Variants in ATXN1 observed in about 807,000 individuals in gnomAD.
The protein encoded by ATXN1 is ataxin 1.
In ATXN1, 8 loss-of-function variants were observed where a neutral mutation model predicts 56.4. The ratio of observed to expected loss-of-function variants is 0.14; its 90% CI spans 0.08 to 0.26. The LOEUF (loss-of-function observed/expected upper bound fraction) is 0.26. ATXN1 is among the 10% of genes least tolerant of loss of function. ATXN1 has a pLI of 1.00. For missense variants in ATXN1, 987 were observed against 1,106.5 expected (o/e 0.89, Z 1.53); for synonymous variants, 514 against 494.6 (o/e 1.04, Z -0.52).
intron 6 of ATXN1, among the ~76,000 whole-genome samples, chr6:16,444,059 T>C (rs914037069): frequency 1.1e-4 from 17 of 149,370 alleles, no homozygotes; most frequent in Admixed American, 1.0e-3. Context: ...GAGCTTGCAG[T>C]GAGCCGAGAT....
chr6:16,720,125 A>G (rs987967795), intron 2 of ATXN1, among the ~76,000 whole-genome samples: 85 of 152,222 alleles, frequency 5.6e-4, no homozygotes, highest in African/African-American at 2.0e-3. Flanking sequence ...CTTCCTTTAC[A>G]GTGCTCATCC....
In ATXN1 at chr6:16,424,298, C is replaced by T. The variant is rs562728546; in HGVS notation, c.-161+61674G>A. On this transcript the variant is annotated intron_variant, in intron 6 of 7. Transcript: ENST00000436367. ...AGGACACAAGCCGGGTGTGTGCATG[C>T]GCATGAATGGAGCCTGCGTGCACAA... Among the ~76,000 whole-genome samples, 5 of 152,256 alleles carry T rather than the reference C, an allele frequency of 3.3e-5. No homozygotes were observed. The East Asian group carries it at 7.7e-4, about 24-fold the overall frequency.
chr6:16,341,732 G>T (rs1026810867), intron 6 of ATXN1, among the ~76,000 whole-genome samples: 17 of 151,786 alleles, frequency 1.1e-4, no homozygotes, highest in Admixed American at 1.1e-3. Context: ...TGTTAGCCAG[G>T]ATGGTCTTGA....
chr6:16,526,901 GT>G (rs1761406016), intron 4 of ATXN1, among the ~76,000 whole-genome samples: 1 of 151,712 alleles, frequency 6.6e-6, no homozygotes. Context: ...TCAAGCAAAT[GT>G]CCTTGTTTCA....
At chr6:16,451,755 CAA>C (rs369181235) in intron 6 of ATXN1, among the ~76,000 whole-genome samples, 3 of 126,152 alleles carry the variant, frequency 2.4e-5, no homozygotes, top group African/African-American at 2.9e-5. Context: ...AACTCCGTCT[CAA>C]AAAAAAAAAA....
chr6:16,728,267 G>A (rs139570990), intron 2 of ATXN1, among the ~76,000 whole-genome samples: 2 of 152,308 alleles, frequency 1.3e-5, no homozygotes, highest in Non-Finnish European at 2.9e-5. Context: ...TAAGCTGTGC[G>A]CACAGGGCAG....
intron 2 of ATXN1, among the ~76,000 whole-genome samples, chr6:16,685,502 C>A (rs1370696701): frequency 6.6e-6 from 1 of 152,150 alleles, no homozygotes; most frequent in Admixed American, 6.5e-5. Context: ...CCACACCACA[C>A]GCACACAAAA....
chr6:16,522,802 T>C (rs1449301618), intron 4 of ATXN1, 114 bp from the exon 5 acceptor site: 1 of 152,220 alleles, frequency 6.6e-6, no homozygotes, highest in African/African-American at 2.4e-5. Flanking sequence ...CTTTGGCCTT[T>C]ATTAGGTGCA....
intron 4 of ATXN1, among the ~76,000 whole-genome samples, chr6:16,526,664 CT>C (rs1761400424): frequency 6.6e-6 from 1 of 151,142 alleles, no homozygotes; most frequent in African/African-American, 2.4e-5. Flanking sequence ...ACTCGGGAGG[CT>C]GAGGCAGGAG....
At chr6:16,621,251 G>A (rs1448028720) in intron 3 of ATXN1, among the ~76,000 whole-genome samples, 4 of 152,206 alleles carry the variant, frequency 2.6e-5, no homozygotes, top group African/African-American at 9.7e-5. Flanking sequence ...CTTGTCGGCT[G>A]CTCTCACAGA....
At chr6:16,591,727 C>A (rs997376850) in intron 3 of ATXN1, among the ~76,000 whole-genome samples, 7 of 152,260 alleles carry the variant, frequency 4.6e-5, no homozygotes, top group African/African-American at 1.4e-4. Flanking sequence ...TAACAAACTG[C>A]ACAATTCTTT....
chr6:16,311,834 T>C (rs1325294917), intron 7 of ATXN1, among the ~76,000 whole-genome samples: 3 of 152,190 alleles, frequency 2.0e-5, no homozygotes, highest in Non-Finnish European at 4.4e-5. Context: ...AACTCTCAGG[T>C]GTTAACATCT....
intron 6 of ATXN1, among the ~76,000 whole-genome samples, chr6:16,386,356 T>C (rs1218716881): frequency 6.6e-6 from 1 of 152,038 alleles, no homozygotes; most frequent in Non-Finnish European, 1.5e-5. Context: ...GCGTTAACCA[T>C]AAAAAAATGG....
chr6:16,728,206 G>A (rs1759890871), intron 2 of ATXN1, among the ~76,000 whole-genome samples: 1 of 152,176 alleles, frequency 6.6e-6, no homozygotes, highest in African/African-American at 2.4e-5. Context: ...AGTCTGACTG[G>A]GACGCAAGAC....
rs115458098 is a variant in ATXN1, at chr6:16,394,509, C to T, written c.-160-66039G>A. ...TATATATTGTGTAATGATCAATTCACGGTAATTAGCATATTTTTCACTTCA... is the reference window on the plus strand; with the variant it reads ...TATATATTGTGTAATGATCAATTCATGGTAATTAGCATATTTTTCACTTCA... On this transcript the variant is annotated intron_variant, in intron 6 of 7. Coordinates refer to ENST00000436367, the MANE Select transcript of ATXN1 (RefSeq NM_001128164.2). Among the ~76,000 whole-genome samples the T allele has an allele frequency of 3.7e-3, 560 of 152,172 alleles. 3 individuals carry two copies. Among genetic ancestry groups the T allele is most frequent in the African/African-American group, 0.013 (524 of 41,504 alleles).
At chr6:16,613,313 T>C (rs1763147794) in intron 3 of ATXN1, among the ~76,000 whole-genome samples, 1 of 150,758 alleles carries the variant, frequency 6.6e-6, no homozygotes, top group Non-Finnish European at 1.5e-5. Context: ...AAAAGGCTAT[T>C]AATTAGCTAG....
rs1760816602 is a variant in ATXN1 at position 16,326,771 on chromosome 6, G to C, written c.1540C>G (p.Gln514Glu). 1.9e-6 allele frequency: 3 copies of C among 1,612,400 alleles called. No individual in the cohort carries two copies. Among genetic ancestry groups the C allele is most frequent in the South Asian group, 2.2e-5 (2 of 91,018 alleles). Residue 514 changes from glutamine to glutamate, a missense_variant, in exon 7 of 8, where the codon CAG becomes GAG. Gln to Glu is a conservative substitution (Grantham distance 29). Coordinates refer to ENST00000436367, the MANE Select transcript of ATXN1 (RefSeq NM_001128164.2). The surrounding 1 kb of genome is among the most constrained non-coding windows in gnomAD (Gnocchi z 6.6). ...AACGTGTGAGGCACTGCAGCAAACTGGGGGGATGACGTGACTATGGCCGGG... is the reference window on the plus strand; with the variant it reads ...AACGTGTGAGGCACTGCAGCAAACTCGGGGGATGACGTGACTATGGCCGGG... ...AAPAIVTSSP[Q>E]FAAVPHTFVT...
At chr6:16,732,463 T>C (rs187547620) in intron 2 of ATXN1, among the ~76,000 whole-genome samples, 8 of 151,986 alleles carry the variant, frequency 5.3e-5, no homozygotes, top group Non-Finnish European at 1.0e-4. Flanking sequence ...TCCAGCTACT[T>C]TGGAGGCTGA....
At chr6:16,723,912 C>T (rs981872096) in intron 2 of ATXN1, among the ~76,000 whole-genome samples, 1 of 152,120 alleles carries the variant, frequency 6.6e-6, no homozygotes, top group African/African-American at 2.4e-5. Flanking sequence ...TTTCACTCGA[C>T]TGTGTTTTTT....
Sources: gnomAD v4.1 joint callset for allele counts (sites outside exome capture counted in the v4.1 genomes callset) on GRCh38, gnomAD v4.1.1 for gene constraint, Gnocchi (gnomAD v3.1) non-coding constraint, MANE v1.5 for transcripts, NCBI Gene and HGNC (gene_info 2026-07-23, HGNC 2026-07-21) for gene names.